MUS81: variants seen among roughly 807,000 people sequenced by gnomAD.
The protein encoded by MUS81 is structure-specific endonuclease subunit MUS81.
Under a neutral mutation model 74.2 loss-of-function variants are expected in MUS81, and 69 were observed. The ratio of observed to expected loss-of-function variants is 0.93; its 90% CI spans 0.77 to 1.14. MUS81 has a LOEUF of 1.14. Ranked by LOEUF, MUS81 falls within the 50% of genes most tolerant of loss-of-function variation. The pLI is 0.00. For missense variants in MUS81, 711 were observed against 726.5 expected (o/e 0.98, Z 0.25); for synonymous variants, 303 against 300.6 (o/e 1.01, Z -0.08).
intron 4 of MUS81, 32 bp downstream of exon 4, chr11:65,862,077 C>T: frequency 6.2e-7 from 1 of 1,601,164 alleles, no homozygotes; most frequent in East Asian, 2.2e-5. Context: ...GAGGCGGAAC[C>T]ATGGCAGTGG....
chr11:65,863,586 CCTT>C lies in MUS81; in HGVS notation c.840-13_840-11del. ...GCCCTGCTCTGATCTAGGCTTCCCTCCTTGCCACTCCAGGGGCGGGCACAGGCC... is the reference window on the plus strand; with the variant it reads ...GCCCTGCTCTGATCTAGGCTTCCCTCGCCACTCCAGGGGCGGGCACAGGCC... On this transcript the variant is annotated splice_polypyrimidine_tract_variant and intron_variant, in intron 8 of 15. Coordinates refer to ENST00000308110, the MANE Select transcript of MUS81 (RefSeq NM_025128.5). 1 of 1,613,966 alleles carries C rather than the reference CCTT, an allele frequency of 6.2e-7. No individual in the cohort carries two copies. The highest frequency in any genetic ancestry group is 8.5e-7 in the Non-Finnish European group (1 of 1,179,950).
rs1415970581 is a variant in MUS81 at position 65,860,500 on chromosome 11, G to A, written c.-254G>A. The A allele has an allele frequency of 1.7e-6, 1 of 583,228 alleles. No individual in the cohort carries two copies. Among genetic ancestry groups the A allele is most frequent in the Non-Finnish European group, 3.1e-6 (1 of 324,868 alleles). The allele number at this position is 583,228 out of a possible 1,614,324, so 36.1% of individuals were successfully genotyped here. A position where few individuals can be genotyped will look rare whatever the true frequency, so the allele number is the denominator to read the frequency against. ...CGCGTCTCAAAGGCTGGCTGGAGTG[G>A]AGCCAAGGGAAAAGATCGTTAGAGA... On this transcript the variant is annotated 5_prime_UTR_variant, in exon 1 of 16. Coordinates refer to ENST00000308110, the MANE Select transcript of MUS81 (RefSeq NM_025128.5).
downstream of MUS81, chr11:65,866,945 G>A (rs1260193001): frequency 5.6e-6 from 9 of 1,614,040 alleles, 1 homozygote; most frequent in African/African-American, 2.7e-5. Context: ...CTACAAAGAC[G>A]GTGAGCCTCA....
In MUS81 at chr11:65,862,052, A is replaced by C. The variant is rs541167082; in HGVS notation, c.450+7A>C. 6.2e-7 allele frequency: 1 copy of C among 1,606,192 alleles called. No homozygotes were observed. Among genetic ancestry groups the C allele is most frequent in the Non-Finnish European group, 8.5e-7 (1 of 1,176,198 alleles). The stretch of plus-strand genomic sequence containing the variant: ...GCTCTACCGGGAGCACCTGGTGAGC[A>C]CTGGGCTACACCGGGAGGCGGAACC... On this transcript the variant is annotated splice_region_variant and intron_variant, in intron 4 of 15. Transcript: ENST00000308110.
In MUS81 at chr11:65,862,277, A is replaced by C. The variant is rs749329805; in HGVS notation, c.517A>C (p.Arg173=). 2.5e-6 allele frequency: 4 copies of C among 1,613,754 alleles called. No homozygotes were observed. In the South Asian group the frequency reaches 4.4e-5, roughly 18 times the overall value. The change falls in exon 5 of 16, where the codon AGG becomes CGG. Residue 173 remains arginine, a splice_region_variant and synonymous_variant. Coordinates refer to ENST00000308110, the MANE Select transcript of MUS81 (RefSeq NM_025128.5). ...LLQRCAQKSP[R]VAPGSARPWP... ...GCAGAGGTGTGCTCAGAAGTCCCCC[A>C]GGGTGAGCACAGGGATCAGGGAGGA...
chr11:65,862,681 G>A lies in MUS81; in HGVS notation c.605+152G>A, dbSNP rs1859656644. The A allele has an allele frequency of 3.9e-6, 3 of 767,186 alleles. 1 individual carries two copies. The South Asian group carries it at 5.1e-5, about 13-fold the overall frequency. 47.5% of individuals were successfully genotyped at this position (767,186 alleles called of 1,614,324 possible). Reference sequence around the variant, plus strand: ...CCCACTGTTGGAATACCTGGAGGGTGTGAAACCGCAGCAGCGGGGGTGGGA... The same window carrying A: ...CCCACTGTTGGAATACCTGGAGGGTATGAAACCGCAGCAGCGGGGGTGGGA... On this transcript the variant is annotated intron_variant, in intron 6 of 15. Transcript: ENST00000308110.
chr11:65,861,858 T>G, intron 3 of MUS81, 89 bp from the exon 4 acceptor site: 1 of 988,796 alleles, frequency 1.0e-6, no homozygotes, highest in Non-Finnish European at 1.5e-6. Context: ...GACAACTGAG[T>G]GACTTACCCA....
Position 65,864,730 on chromosome 11 carries a change from G to A in MUS81, c.1187G>A (p.Gly396Asp), listed in dbSNP as rs1302701027. 6.2e-7 allele frequency: 1 copy of A among 1,614,104 alleles called. No homozygotes were observed. Among genetic ancestry groups the A allele is most frequent in the East Asian group, 2.2e-5 (1 of 44,880 alleles). ...QAVTNTQVID[G>D]FFVKRTADIK... ...GGTCCTCTTCCCCAGGTCATTGATG[G>A]CTTTTTTGTGAAGCGCACAGCAGAC... Residue 396 changes from glycine (G) to aspartate (D), a missense_variant, in exon 12 of 16, where the codon GGC (glycine) becomes GAC (aspartate). Gly to Asp is a moderately conservative substitution (Grantham distance 94, BLOSUM62 -1). Coordinates refer to ENST00000308110, the MANE Select transcript of MUS81 (RefSeq NM_025128.5).
At chr11:65,865,391 A>C in intron 14 of MUS81, 68 bp downstream of exon 14, 7 of 1,463,268 alleles carry the variant, frequency 4.8e-6, no homozygotes, top group Non-Finnish European at 6.5e-6. Flanking sequence ...ACCTTAATCC[A>C]TGCTTCGTGG....
intron 3 of MUS81, 106 bp downstream of exon 3, chr11:65,861,541 C>G (rs1859606136): frequency 6.6e-6 from 6 of 903,912 alleles, no homozygotes; most frequent in Admixed American, 4.9e-5. Context: ...CCAGTGATGC[C>G]TGGCCTTGAG....
At position 65,860,863 on chromosome 11, in the gene MUS81, G is replaced by A. The variant is rs13817; in HGVS notation, c.110G>A (p.Arg37His). The change falls in exon 1 of 16, where the codon CGC becomes CAC. Residue 37 changes from arginine (R) to histidine (H), a missense_variant. Transcript: ENST00000308110. ...EWRDEATRSR[R>H]RTRFVFQKAL... ...CGGGACGAGGCGACCCGCAGCAGGC[G>A]CCGCACGCGCTTCGTATTTCAGAAG... 974,756 of 1,550,770 alleles carry A rather than the reference G, an allele frequency of 0.63. 316,580 individuals are homozygous for A. The highest frequency in any genetic ancestry group is 0.7 in the Middle Eastern group (4,185 of 5,972).
In MUS81 at chr11:65,860,468, G is replaced by A. The variant is rs960452099; in HGVS notation, c.-286G>A. On this transcript the variant is annotated 5_prime_UTR_variant, in exon 1 of 16. Transcript: ENST00000308110. ...AGCCGGTCCAGGCTCCGGGGGCTGG[G>A]AAAGGGCGCGTCTCAAAGGCTGGCT... 1.8e-6 allele frequency: 1 copy of A among 546,400 alleles called. No homozygotes were observed. Among genetic ancestry groups the A allele is most frequent in the South Asian group, 1.9e-5 (1 of 51,818 alleles). 33.8% of individuals were successfully genotyped at this position (546,400 alleles called of 1,614,324 possible).
At chr11:65,864,843 G>C in intron 12 of MUS81, 28 bp downstream of exon 12, 1 of 1,602,876 alleles carries the variant, frequency 6.2e-7, no homozygotes, top group South Asian at 1.1e-5. Flanking sequence ...TCCCAGTGTC[G>C]GGACAGAGCC....
chr11:65,867,599 G>A, downstream of MUS81: 1 of 532,260 alleles, frequency 1.9e-6, no homozygotes, highest in Non-Finnish European at 3.4e-6. Context: ...CCATTCCCTT[G>A]GTTTGTGGGT....
At chr11:65,866,546 C>T (rs1859843001), downstream of MUS81, 1 of 702,744 alleles carries the variant, frequency 1.4e-6, no homozygotes, top group Non-Finnish European at 2.6e-6. Flanking sequence ...CCCAGGGCCT[C>T]CTGGCGCTGT....
In MUS81 at chr11:65,862,449, CCCT is replaced by C; in HGVS notation, c.526_528del (p.Pro176del). On this transcript the variant is annotated inframe_deletion, in exon 6 of 16. Transcript: ENST00000308110. ...GTCTCTTTTCTGATCCACAGGTAGC[CCCT>C]GGGAGTGCTCGACCCTGGCCAGCCC... 1 of 1,613,436 alleles carries C rather than the reference CCCT, an allele frequency of 6.2e-7. No individual in the cohort carries two copies. The highest frequency in any genetic ancestry group is 1.7e-5 in the Admixed American group (1 of 60,032).
intron 6 of MUS81, 89 bp from the exon 7 acceptor site, chr11:65,862,976 G>C (rs1044357548): frequency 6.4e-7 from 1 of 1,571,116 alleles, no homozygotes; most frequent in East Asian, 2.2e-5. Context: ...CCAAGGGGGT[G>C]GTGAGGCCAG....
downstream of MUS81, chr11:65,866,903 G>C: frequency 6.2e-7 from 1 of 1,613,622 alleles, no homozygotes; most frequent in Non-Finnish European, 8.5e-7. Context: ...AGGGAGGGTG[G>C]CTCCCTCCTG....
In MUS81 at chr11:65,865,084, C is replaced by T. The variant is rs1859771374; in HGVS notation, c.1340C>T (p.Pro447Leu). The change falls in exon 13 of 16, where the codon CCA becomes CTA. Residue 447 changes from proline (P) to leucine (L), a missense_variant. Coordinates refer to ENST00000308110, the MANE Select transcript of MUS81 (RefSeq NM_025128.5). The stretch of plus-strand genomic sequence containing the variant: ...CCTGAATCAGGGGCCATGACCTCTC[C>T]AAACCCTCTCTGCTCACTCCTCACC... ...GNPESGAMTS[P>L]NPLCSLLTFS... is the part of the protein sequence containing the mutation. 1 of 1,614,158 alleles carries T rather than the reference C, an allele frequency of 6.2e-7. No individual in the cohort carries two copies. Among genetic ancestry groups the T allele is most frequent in the Non-Finnish European group, 8.5e-7 (1 of 1,180,026 alleles).
Sources: allele counts gnomAD v4.1 joint callset, GRCh38; gene constraint gnomAD v4.1.1; transcripts MANE v1.5; gene names NCBI Gene and HGNC (gene_info 2026-07-23, HGNC 2026-07-21).